RBFOX1: variants seen among roughly 807,000 people sequenced by gnomAD.
RBFOX1 encodes the protein RNA binding protein fox-1 homolog 1.
Under a neutral mutation model 57.7 loss-of-function variants are expected in RBFOX1, and 8 were observed. The observed-to-expected ratio is 0.14, with a 90% CI of 0.08 to 0.25. The LOEUF (loss-of-function observed/expected upper bound fraction) is 0.25, where lower values mean the gene tolerates loss of function less well. RBFOX1 is among the 10% of genes least tolerant of loss of function. RBFOX1 has a pLI of 1.00. For synonymous variants in RBFOX1, 326 were observed against 222.4 expected, an observed-to-expected ratio of 1.47 and a Z score of -4.15; for missense variants, 611 against 548.5, an observed-to-expected ratio of 1.11 and a Z score of -1.14.
intron 2 of RBFOX1, among the ~76,000 whole-genome samples, chr16:5,481,032 G>A (rs1002447524): frequency 1.3e-4 from 20 of 152,216 alleles, no homozygotes; most frequent in East Asian, 5.8e-4. Flanking sequence ...CATTGAATGT[G>A]AATGCCTGTT....
chr16:6,363,742 C>T (rs1258303339), intron 2 of RBFOX1, among the ~76,000 whole-genome samples: 2 of 152,184 alleles, frequency 1.3e-5, no homozygotes, highest in African/African-American at 4.8e-5. Flanking sequence ...AGAAATCAAT[C>T]GCTCTGTTCA....
At chr16:6,561,984 G>C (rs2097185049) in intron 2 of RBFOX1, among the ~76,000 whole-genome samples, 1 of 152,144 alleles carries the variant, frequency 6.6e-6, no homozygotes, top group African/African-American at 2.4e-5. Context: ...CTGTTATACA[G>C]GAACAAACTG....
intron 14 of RBFOX1, among the ~76,000 whole-genome samples, chr16:7,698,444 GC>G (rs2079529937): frequency 6.6e-6 from 1 of 152,084 alleles, no homozygotes; most frequent in South Asian, 2.1e-4. Flanking sequence ...GGGGCAGGTT[GC>G]TACCCAAGTT....
chr16:6,768,194 C>A (rs1425069817), intron 3 of RBFOX1, among the ~76,000 whole-genome samples: 1 of 151,910 alleles, frequency 6.6e-6, no homozygotes, highest in Non-Finnish European at 1.5e-5. Flanking sequence ...TAGACTCCAT[C>A]TCAAAAAACA....
At chr16:7,691,480 AGAG>A (rs891235357) in intron 14 of RBFOX1, among the ~76,000 whole-genome samples, 1 of 152,012 alleles carries the variant, frequency 6.6e-6, no homozygotes, top group African/African-American at 2.4e-5. Flanking sequence ...GGAGAGGAAA[AGAG>A]GAAGAAAGGA....
chr16:5,925,139 C>T (rs2058915496), intron 4 of RBFOX1, among the ~76,000 whole-genome samples: 2 of 152,160 alleles, frequency 1.3e-5, no homozygotes, highest in Admixed American at 6.5e-5. Flanking sequence ...CCCGATGCCT[C>T]TGCAGACAAA....
intron 10 of RBFOX1, among the ~76,000 whole-genome samples, chr16:7,608,278 A>G (rs898288375): frequency 2.0e-5 from 3 of 152,202 alleles, no homozygotes; most frequent in African/African-American, 7.2e-5. Context: ...CTAATACTGA[A>G]CACTGACCCT....
intron 3 of RBFOX1, among the ~76,000 whole-genome samples, chr16:6,692,808 C>G (rs1285442953): frequency 6.6e-6 from 1 of 152,094 alleles, no homozygotes; most frequent in Non-Finnish European, 1.5e-5. Flanking sequence ...TCAGTACTAT[C>G]ACTACCATCA....
intron 4 of RBFOX1, among the ~76,000 whole-genome samples, chr16:5,976,847 C>T (rs2060073412): frequency 6.6e-6 from 1 of 152,156 alleles, no homozygotes; most frequent in Non-Finnish European, 1.5e-5. Flanking sequence ...TCAGCCTGGG[C>T]AGCAGAGCAA....
Position 6,097,210 on chromosome 16 carries a change from C to T in RBFOX1, c.-127+77218C>T, listed in dbSNP as rs376588063. Among the ~76,000 whole-genome samples the T allele has an allele frequency of 2.8e-4, 42 of 152,202 alleles. No homozygotes were observed. Among genetic ancestry groups the T allele is most frequent in the East Asian group, 2.7e-3 (14 of 5,180 alleles). On this transcript the variant is annotated intron_variant, in intron 1 of 15. Coordinates refer to ENST00000550418, the MANE Select transcript of RBFOX1 (RefSeq NM_018723.4). This position sits in a 1 kb window ranked among gnomAD's most constrained non-coding sequence, Gnocchi z 5.0. ...CTTTCTGCCATGATTGTGAGGCCTC[C>T]GTAGCCATGTGGAACTGTGAGTCCA...
chr16:6,519,002 A>C (rs555128498), intron 2 of RBFOX1, among the ~76,000 whole-genome samples: 30 of 151,996 alleles, frequency 2.0e-4, no homozygotes, highest in African/African-American at 7.2e-4. Context: ...ATATTTTCTC[A>C]GTGGGCTCCC....
intron 3 of RBFOX1, among the ~76,000 whole-genome samples, chr16:5,631,216 T>G (rs1441185326): frequency 6.6e-6 from 1 of 152,190 alleles, no homozygotes; most frequent in Non-Finnish European, 1.5e-5. Context: ...GTGGCTGATG[T>G]TACTGGTCAG....
intron 3 of RBFOX1, among the ~76,000 whole-genome samples, chr16:6,863,421 G>C (rs117463595): frequency 0.012 from 1,784 of 152,062 alleles, 20 homozygotes; most frequent in Non-Finnish European, 0.019. Context: ...TTTAGAAAAG[G>C]CCCATAATGG....
At chr16:5,631,992 C>G (rs1010429410) in intron 3 of RBFOX1, among the ~76,000 whole-genome samples, 2 of 152,146 alleles carry the variant, frequency 1.3e-5, no homozygotes, top group Admixed American at 1.3e-4. Flanking sequence ...TCTCTATAAG[C>G]TTCCGTCTAA....
intron 3 of RBFOX1, among the ~76,000 whole-genome samples, chr16:5,793,528 G>A (rs540772160): frequency 6.6e-6 from 1 of 152,320 alleles, no homozygotes; most frequent in East Asian, 1.9e-4. Flanking sequence ...GTTGGCACAA[G>A]CCATGTTGCC....
intron 4 of RBFOX1, among the ~76,000 whole-genome samples, chr16:7,155,986 A>G (rs2077033252): frequency 6.6e-6 from 1 of 151,750 alleles, no homozygotes; most frequent in Non-Finnish European, 1.5e-5. Flanking sequence ...ATATACAGAT[A>G]TGTTTTATAT....
At chr16:7,691,511 TTTAAGG>T (rs1186167753) in intron 14 of RBFOX1, among the ~76,000 whole-genome samples, 20 of 150,432 alleles carry the variant, frequency 1.3e-4, no homozygotes, top group African/African-American at 3.2e-4. Flanking sequence ...AAAAGGGTAG[TTTAAGG>T]TTAAGTGCAG....
chr16:5,962,092 C>T (rs892113010), intron 4 of RBFOX1, among the ~76,000 whole-genome samples: 3 of 152,100 alleles, frequency 2.0e-5, no homozygotes, highest in African/African-American at 4.8e-5. Flanking sequence ...TTACATGTTC[C>T]AGGTGGTATG....
At chr16:6,211,343 C>T (rs576728924) in intron 1 of RBFOX1, among the ~76,000 whole-genome samples, 2 of 151,698 alleles carry the variant, frequency 1.3e-5, no homozygotes, top group African/African-American at 4.8e-5. Context: ...ATTCTTCTAC[C>T]TCAGCCTCCC....
Sources: gnomAD v4.1 joint callset for allele counts (sites outside exome capture counted in the v4.1 genomes callset) on GRCh38, gnomAD v4.1.1 for gene constraint, Gnocchi (gnomAD v3.1) non-coding constraint, MANE v1.5 for transcripts, NCBI Gene and HGNC (gene_info 2026-07-23, HGNC 2026-07-21) for gene names.